Variants in RNF144B observed in about 807,000 individuals in gnomAD.
RNF144B encodes E3 ubiquitin-protein ligase RNF144B.
RNF144B carries 25 observed loss-of-function variants against 40.2 expected under a neutral mutation model. The ratio of observed to expected loss-of-function variants is 0.62; its 90% CI spans 0.45 to 0.87. The LOEUF (loss-of-function observed/expected upper bound fraction) is 0.87, where lower values mean the gene tolerates loss of function less well. Ranked by LOEUF, RNF144B falls within the 40% of genes least tolerant of loss-of-function variation. The pLI, the probability that RNF144B is intolerant of heterozygous loss-of-function variation, is 0.00. For missense variants in RNF144B, 365 were observed against 373.7 expected (o/e 0.98, Z 0.19); for synonymous variants, 145 against 136.3 (o/e 1.06, Z -0.44).
intron 1 of RNF144B, among the ~76,000 whole-genome samples, chr6:18,390,679 T>C (rs1174836898): frequency 6.6e-6 from 1 of 152,254 alleles, no homozygotes; most frequent in Non-Finnish European, 1.5e-5. Flanking sequence ...TCTTTGTTTT[T>C]CTTGGGAAGA....
rs1794912342 is a variant in RNF144B at position 18,406,501 on chromosome 6, T to TGTGTGTGTG, written c.165+6802_165+6803insGTGTGTGTG. 3.9e-5 allele frequency among the ~76,000 whole-genome samples: 4 copies of TGTGTGTGTG among 102,692 alleles called. No homozygotes were observed. The highest frequency in any genetic ancestry group is 2.9e-4 in the South Asian group (1 of 3,394). The allele number at this position is 102,692 out of a possible 152,430, so 67.4% of individuals were successfully genotyped here. On this transcript the variant is annotated intron_variant, in intron 2 of 7. Transcript: ENST00000259939. The surrounding 1 kb of genome is among the most constrained non-coding windows in gnomAD (Gnocchi z 4.2). The stretch of plus-strand genomic sequence containing the variant: ...GTGTGTGTGTGTGTGTGTGTGTGTG[T>TGTGTGTGTG]AGGGGGAGTAGTAGGAGATGAAGGC...
intron 1 of RNF144B, among the ~76,000 whole-genome samples, chr6:18,394,280 A>G (rs1794645824): frequency 6.6e-6 from 1 of 152,138 alleles, no homozygotes; most frequent in Admixed American, 6.5e-5. Context: ...TGGATAATCA[A>G]ACAGACATAA....
intron 1 of RNF144B, among the ~76,000 whole-genome samples, chr6:18,393,122 A>G (rs1794620428): frequency 6.7e-6 from 1 of 148,154 alleles, no homozygotes; most frequent in Non-Finnish European, 1.5e-5. Context: ...TCCATCTCAA[A>G]AAAAAAAAAA....
chr6:18,455,708 G>A (rs1035245942), intron 4 of RNF144B, among the ~76,000 whole-genome samples: 2 of 152,016 alleles, frequency 1.3e-5, no homozygotes, highest in Non-Finnish European at 2.9e-5. Flanking sequence ...AAAGAACATG[G>A]GGTCTGCTAC....
At chr6:18,420,526 G>A (rs1795237490) in intron 2 of RNF144B, among the ~76,000 whole-genome samples, 1 of 152,116 alleles carries the variant, frequency 6.6e-6, no homozygotes, top group Admixed American at 6.6e-5. Context: ...AGCATGCTGG[G>A]CGTGCTACAT....
Position 18,393,181 on chromosome 6 carries a change from G to C in RNF144B, c.-37+5551G>C, listed in dbSNP as rs115002653. Among the ~76,000 whole-genome samples, 281 of 151,872 alleles carry C rather than the reference G, an allele frequency of 1.9e-3. 1 individual carries two copies. The highest frequency in any genetic ancestry group is 6.1e-3 in the African/African-American group (254 of 41,426). On this transcript the variant is annotated intron_variant, in intron 1 of 7. Transcript: ENST00000259939. ...TTTATTTAAGTAATTGCAGTTCCCT[G>C]ACTACGAGAGGGGCAGCCTATGTTT...
At chr6:18,452,264 A>G (rs971248468) in intron 4 of RNF144B, among the ~76,000 whole-genome samples, 4 of 152,316 alleles carry the variant, frequency 2.6e-5, no homozygotes, top group South Asian at 2.1e-4. Context: ...AGAATGAGAA[A>G]CAGCCTTGCC....
chr6:18,437,671 A>C (rs1325627083), intron 3 of RNF144B, among the ~76,000 whole-genome samples: 1 of 152,226 alleles, frequency 6.6e-6, no homozygotes, highest in Non-Finnish European at 1.5e-5. Flanking sequence ...AAAGACAAAA[A>C]AATTAGAAAT....
At chr6:18,424,240 GT>G (rs1421396839) in intron 2 of RNF144B, among the ~76,000 whole-genome samples, 1 of 152,160 alleles carries the variant, frequency 6.6e-6, no homozygotes, top group Non-Finnish European at 1.5e-5. Flanking sequence ...GAGATTAAAT[GT>G]TTTAGTGAAA....
At chr6:18,420,670 T>A (rs1292405529) in intron 2 of RNF144B, among the ~76,000 whole-genome samples, 1 of 152,070 alleles carries the variant, frequency 6.6e-6, no homozygotes, top group Admixed American at 6.5e-5. Flanking sequence ...AAATTCCTTC[T>A]GGATAGTCTG....
chr6:18,409,313 G>T (rs889429503), intron 2 of RNF144B, among the ~76,000 whole-genome samples: 6 of 144,988 alleles, frequency 4.1e-5, no homozygotes, highest in Non-Finnish European at 8.9e-5. Flanking sequence ...GGGAAGTGGA[G>T]GTTGCAGTGA....
rs143516049 is a variant in RNF144B, at chr6:18,393,829, C to T, written c.-36-5670C>T. On this transcript the variant is annotated intron_variant, in intron 1 of 7. Coordinates refer to ENST00000259939, the MANE Select transcript of RNF144B (RefSeq NM_182757.4). Reference sequence around the variant, plus strand: ...AAACTTTCCCCTTTGCTACCTCCCTCCCATATTTATGCATTCATATCTGTT... The same window carrying T: ...AAACTTTCCCCTTTGCTACCTCCCTTCCATATTTATGCATTCATATCTGTT... Among the ~76,000 whole-genome samples, 1,415 of 152,278 alleles carry T rather than the reference C, an allele frequency of 9.3e-3. 11 individuals are homozygous for T. Among genetic ancestry groups the T allele is most frequent in the Middle Eastern group, 0.017 (5 of 294 alleles).
intron 4 of RNF144B, among the ~76,000 whole-genome samples, chr6:18,445,001 G>A (rs1270034139): frequency 6.6e-6 from 1 of 151,568 alleles, no homozygotes; most frequent in South Asian, 2.1e-4. Context: ...AGCTCCCTAT[G>A]TAGTTATGTA....
In RNF144B at chr6:18,416,064, C is replaced by G. The variant is rs1450073816; in HGVS notation, c.166-11517C>G. Among the ~76,000 whole-genome samples, 2 of 152,098 alleles carry G rather than the reference C, an allele frequency of 1.3e-5. No homozygotes were observed. The highest frequency in any genetic ancestry group is 4.8e-5 in the African/African-American group (2 of 41,404). ...AGCTGAGGGCTTACAGTTCTGAAGG[C>G]TAATGTTTCTTTGGAGAAAGTAGAA... On this transcript the variant is annotated intron_variant, in intron 2 of 7. Coordinates refer to ENST00000259939, the MANE Select transcript of RNF144B (RefSeq NM_182757.4). The surrounding 1 kb of genome is among the most constrained non-coding windows in gnomAD (Gnocchi z 5.5).
rs963128576 is a variant in RNF144B at position 18,405,297 on chromosome 6, C to T, written c.165+5598C>T. On this transcript the variant is annotated intron_variant, in intron 2 of 7. Coordinates refer to ENST00000259939, the MANE Select transcript of RNF144B (RefSeq NM_182757.4). The surrounding 1 kb of genome is among the most constrained non-coding windows in gnomAD (Gnocchi z 4.5). Reference sequence around the variant, plus strand: ...CAAGTGGTTCTCCTGCCTCAGCCTCCGGAGTAGCTGGGATTACAGGCATGT... The same window carrying T: ...CAAGTGGTTCTCCTGCCTCAGCCTCTGGAGTAGCTGGGATTACAGGCATGT... Among the ~76,000 whole-genome samples the T allele has an allele frequency of 2.6e-5, 4 of 151,950 alleles. No individual in the cohort carries two copies. Among genetic ancestry groups the T allele is most frequent in the Non-Finnish European group, 4.4e-5 (3 of 67,984 alleles).
Position 18,414,541 on chromosome 6 carries a change from GTTA to G in RNF144B, c.166-13036_166-13034del, listed in dbSNP as rs770978063. Among the ~76,000 whole-genome samples the G allele has an allele frequency of 2.0e-5, 3 of 152,084 alleles. No homozygotes were observed. Among genetic ancestry groups the G allele is most frequent in the Non-Finnish European group, 4.4e-5 (3 of 68,000 alleles). ...TTTTAAAATTTCAAAAATTCAGATAGTTATTAATATTGCTACCACTAGTTTTAT... is the reference window on the plus strand; with the variant it reads ...TTTTAAAATTTCAAAAATTCAGATAGTTAATATTGCTACCACTAGTTTTAT... On this transcript the variant is annotated intron_variant, in intron 2 of 7. Coordinates refer to ENST00000259939, the MANE Select transcript of RNF144B (RefSeq NM_182757.4). The surrounding 1 kb of genome is among the most constrained non-coding windows in gnomAD (Gnocchi z 4.9).
At chr6:18,427,721 A>G in intron 3 of RNF144B, 36 bp downstream of exon 3, 1 of 1,251,676 alleles carries the variant, frequency 8.0e-7, no homozygotes, top group East Asian at 2.3e-5. Flanking sequence ...CCTCTTTCCT[A>G]TTTATGTTAT....
chr6:18,439,080 A>G (rs928570855), intron 3 of RNF144B, among the ~76,000 whole-genome samples: 4 of 152,168 alleles, frequency 2.6e-5, no homozygotes, highest in Admixed American at 2.6e-4. Context: ...GCCATCTGAA[A>G]TGGAAATAGG....
In RNF144B at chr6:18,418,764, CAATA is replaced by C. The variant is rs1409660812; in HGVS notation, c.166-8814_166-8811del. ...AGTTATAGATATCTGAATTATATCTCAATAAAACATGACATAATATAAAATATAT... is the reference window on the plus strand; with the variant it reads ...AGTTATAGATATCTGAATTATATCTCAAACATGACATAATATAAAATATAT... On this transcript the variant is annotated intron_variant, in intron 2 of 7. Transcript: ENST00000259939. The surrounding 1 kb of genome is among the most constrained non-coding windows in gnomAD (Gnocchi z 5.2). Among the ~76,000 whole-genome samples the C allele has an allele frequency of 1.3e-5, 2 of 151,560 alleles. No individual in the cohort carries two copies. The highest frequency in any genetic ancestry group is 2.9e-5 in the Non-Finnish European group (2 of 67,912).
Sources: allele counts gnomAD v4.1 joint callset (sites outside exome capture counted in the v4.1 genomes callset), GRCh38; gene constraint gnomAD v4.1.1; non-coding constraint Gnocchi (gnomAD v3.1); transcripts MANE v1.5; gene names NCBI Gene and HGNC (gene_info 2026-07-23, HGNC 2026-07-21).